Variants in SPTB observed in about 807,000 individuals in gnomAD.
SPTB encodes spectrin beta, erythrocytic.
SPTB carries 45 observed loss-of-function variants against 256.2 expected under a neutral mutation model. The ratio of observed to expected loss-of-function variants is 0.18; its 90% confidence interval spans 0.14 to 0.23. The LOEUF (loss-of-function observed/expected upper bound fraction) is 0.23, where lower values mean the gene tolerates loss of function less well. Ranked by LOEUF, SPTB falls within the 10% of genes least tolerant of loss-of-function variation. The pLI is 1.00. For synonymous variants in SPTB, 1,231 were observed against 1,243.1 expected, an observed-to-expected ratio of 0.99 and a Z score of 0.21; for missense variants, 2,715 against 3,040.4, an observed-to-expected ratio of 0.89 and a Z score of 2.52.
At chr14:64,821,619 C>T (rs1053413227) in intron 2 of SPTB, among the ~76,000 whole-genome samples, 1 of 152,190 alleles carries the variant, frequency 6.6e-6, no homozygotes, top group African/African-American at 2.4e-5. Context: ...CTTAAATTAA[C>T]ATACACAAAA....
chr14:64,810,672 C>T (rs569744670), intron 2 of SPTB, among the ~76,000 whole-genome samples: 2 of 152,102 alleles, frequency 1.3e-5, no homozygotes, highest in South Asian at 4.1e-4. Flanking sequence ...AGAATGAGAC[C>T]CTGTCTCAAA....
chr14:64,749,258 C>T lies in SPTB; in HGVS notation c.*48G>A, dbSNP rs1316917924. The stretch of plus-strand genomic sequence containing the variant: ...CGAGAGGAGGCCAAGGCCTGGGCTG[C>T]CCGGTCTCTGCGCGTCCCGACTCCG... On this transcript the variant is annotated 3_prime_UTR_variant, in exon 36 of 36. Coordinates refer to ENST00000644917, the MANE Select transcript of SPTB (RefSeq NM_001355436.2). The surrounding 1 kb of genome is among the most constrained non-coding windows in gnomAD (Gnocchi z 4.7). 1.9e-6 allele frequency: 3 copies of T among 1,538,760 alleles called. 1 individual carries two copies. Among genetic ancestry groups the T allele is most frequent in the Non-Finnish European group, 2.6e-6 (3 of 1,147,274 alleles).
rs2083670415 is a variant in SPTB, at chr14:64,845,199, G to T, written c.-51-22054C>A. Among the ~76,000 whole-genome samples, 1 of 152,200 alleles carries T rather than the reference G, an allele frequency of 6.6e-6. No individual in the cohort carries two copies. Among genetic ancestry groups the T allele is most frequent in the African/African-American group, 2.4e-5 (1 of 41,444 alleles). On this transcript the variant is annotated intron_variant, in intron 1 of 35. Transcript: ENST00000644917. The surrounding 1 kb of genome is among the most constrained non-coding windows in gnomAD (Gnocchi z 4.8). ...ATCTCTTTTATGCCCTACACAGTTT[G>T]CTACACCCACTGCATGTGGACATCC...
chr14:64,878,151 G>A (rs1297398230), intron 1 of SPTB, among the ~76,000 whole-genome samples: 2 of 152,162 alleles, frequency 1.3e-5, no homozygotes. Flanking sequence ...AACAGCTAAG[G>A]GGTCTGAAAG....
intron 32 of SPTB, among the ~76,000 whole-genome samples, chr14:64,766,076 CTGTA>C (rs201413064): frequency 2.3e-5 from 3 of 129,570 alleles, no homozygotes; most frequent in East Asian, 2.5e-4. Context: ...GGGGTGTGGT[CTGTA>C]TGAGTATGCG....
intron 26 of SPTB, 136 bp from the exon 27 acceptor site, chr14:64,771,265 C>T: frequency 1.5e-6 from 2 of 1,366,752 alleles, no homozygotes; most frequent in Non-Finnish European, 2.1e-6. Context: ...CTTCAGCCTC[C>T]ACCCAGTGGG....
At chr14:64,834,833 C>G (rs1261288072) in intron 1 of SPTB, among the ~76,000 whole-genome samples, 1 of 152,226 alleles carries the variant, frequency 6.6e-6, no homozygotes, top group Non-Finnish European at 1.5e-5. Context: ...ATGCAGAACT[C>G]TTCCAGACAG....
At position 64,786,157 on chromosome 14, in the gene SPTB, A is replaced by G. The variant is rs755496283; in HGVS notation, c.3562-206T>C. On this transcript the variant is annotated intron_variant, in intron 16 of 35. Coordinates refer to ENST00000644917, the MANE Select transcript of SPTB (RefSeq NM_001355436.2). This position sits in a 1 kb window ranked among gnomAD's most constrained non-coding sequence, Gnocchi z 5.6. ...CAATAAACAGTGTGCCTAAAGCCAC[A>G]TGGAAGGCTAACCACCCAGGGCAAA... 3.9e-5 allele frequency among the ~76,000 whole-genome samples: 6 copies of G among 152,124 alleles called. No homozygotes were observed. Among genetic ancestry groups the G allele is most frequent in the Non-Finnish European group, 7.4e-5 (5 of 68,024 alleles).
Position 64,767,641 on chromosome 14 carries a change from C to A in SPTB, c.6219+22G>T, listed in dbSNP as rs772420973. On this transcript the variant is annotated intron_variant, in intron 30 of 35. Coordinates refer to ENST00000644917, the MANE Select transcript of SPTB (RefSeq NM_001355436.2). ...GCACAGTTGCCACCCTCCTGAGCCT[C>A]CCAGCACTGTTCCCTGCTCACCGTG... The A allele has an allele frequency of 2.5e-6, 4 of 1,613,256 alleles. No individual in the cohort carries two copies. The East Asian group carries it at 8.9e-5, about 36-fold the overall frequency.
intron 1 of SPTB, among the ~76,000 whole-genome samples, chr14:64,869,202 T>C (rs1466143933): frequency 6.6e-6 from 1 of 152,184 alleles, no homozygotes; most frequent in Non-Finnish European, 1.5e-5. Flanking sequence ...CCAAGTCTGA[T>C]TGTAAATAAT....
In SPTB at chr14:64,825,760, C is replaced by G. The variant is rs1438427891; in HGVS notation, c.-51-2615G>C. ...CATGGCTCCGTAAATAAGTCTGCCC[C>G]AGAAAGATGAGCCTGAGCAGGCCGA... On this transcript the variant is annotated intron_variant, in intron 1 of 35. Coordinates refer to ENST00000644917, the MANE Select transcript of SPTB (RefSeq NM_001355436.2). This position sits in a 1 kb window ranked among gnomAD's most constrained non-coding sequence, Gnocchi z 4.8. Among the ~76,000 whole-genome samples, 1 of 152,216 alleles carries G rather than the reference C, an allele frequency of 6.6e-6. No individual in the cohort carries two copies. The highest frequency in any genetic ancestry group is 2.4e-5 in the African/African-American group (1 of 41,462).
chr14:64,757,814 G>A (rs1479440434), intron 32 of SPTB, among the ~76,000 whole-genome samples: 1 of 152,180 alleles, frequency 6.6e-6, no homozygotes, highest in Non-Finnish European at 1.5e-5. Context: ...CTGGGGTGAG[G>A]GAGTAAGGAG....
intron 1 of SPTB, among the ~76,000 whole-genome samples, chr14:64,840,162 T>C (rs2083585116): frequency 6.6e-6 from 1 of 152,212 alleles, no homozygotes; most frequent in Non-Finnish European, 1.5e-5. Flanking sequence ...TGAGAGTTTG[T>C]TATATACTCT....
chr14:64,797,806 T>A lies in SPTB; in HGVS notation c.1105A>T (p.Ile369Phe), dbSNP rs752604792. The change falls in exon 10 of 36, where the codon ATC (isoleucine) becomes TTC (phenylalanine). Residue 369 changes from isoleucine (I) to phenylalanine (F), a missense_variant. Ile to Phe is a conservative substitution (Grantham distance 21). Transcript: ENST00000644917. ...KGNLEVLLFT[I>F]QSRMRANNQK... is the part of the protein sequence containing the mutation. ...TTGTTGGCTCTCATCCGGGACTGGA[T>A]GGTAAAAAGTAGAACTTCCAGATTC... 10 of 1,614,090 alleles carry A rather than the reference T, an allele frequency of 6.2e-6. No homozygotes were observed. The South Asian group carries it at 1.1e-4, about 18-fold the overall frequency.
In SPTB at chr14:64,866,216, G is replaced by C. The variant is rs1882173547; in HGVS notation, c.-52+13576C>G. Among the ~76,000 whole-genome samples, 1 of 152,154 alleles carries C rather than the reference G, an allele frequency of 6.6e-6. No individual in the cohort carries two copies. The highest frequency in any genetic ancestry group is 1.5e-5 in the Non-Finnish European group (1 of 68,030). On this transcript the variant is annotated intron_variant, in intron 1 of 35. Transcript: ENST00000644917. The surrounding 1 kb of genome is among the most constrained non-coding windows in gnomAD (Gnocchi z 4.6). Reference sequence around the variant, plus strand: ...TGGGGTGATGATCACTAGCATTCATGACATTCCAGAGCTTCTAGAAGCTGC... The same window carrying C: ...TGGGGTGATGATCACTAGCATTCATCACATTCCAGAGCTTCTAGAAGCTGC...
At position 64,847,148 on chromosome 14, in the gene SPTB, T is replaced by C. The variant is rs113842034; in HGVS notation, c.-51-24003A>G. Among the ~76,000 whole-genome samples the C allele has an allele frequency of 5.9e-5, 9 of 152,332 alleles. No individual in the cohort carries two copies. The highest frequency in any genetic ancestry group is 2.2e-4 in the African/African-American group (9 of 41,584). ...TAGAAGCCTCAAGCCCAGTCGGCTCTTGGTCCAGGACCTAATCTTCAAAGC... is the reference window on the plus strand; with the variant it reads ...TAGAAGCCTCAAGCCCAGTCGGCTCCTGGTCCAGGACCTAATCTTCAAAGC... On this transcript the variant is annotated intron_variant, in intron 1 of 35. Transcript: ENST00000644917. This position sits in a 1 kb window ranked among gnomAD's most constrained non-coding sequence, Gnocchi z 5.9.
chr14:64,835,905 T>C (rs752663509), intron 1 of SPTB, among the ~76,000 whole-genome samples: 3 of 152,232 alleles, frequency 2.0e-5, no homozygotes, highest in Non-Finnish European at 4.4e-5. Context: ...TGATGTGTTC[T>C]TCTATAGTTC....
intron 32 of SPTB, among the ~76,000 whole-genome samples, chr14:64,765,963 T>C (rs576514148): frequency 4.3e-4 from 64 of 149,582 alleles, no homozygotes; most frequent in African/African-American, 1.4e-3. Flanking sequence ...TGGATGTGTG[T>C]GTATGGGGTG....
At chr14:64,782,611 C>T in intron 19 of SPTB, 58 bp from the exon 20 acceptor site, 5 of 1,607,906 alleles carry the variant, frequency 3.1e-6, no homozygotes, top group Non-Finnish European at 4.2e-6. Context: ...TGGATCAGCC[C>T]TGCTCCTGAT....
Sources: allele counts gnomAD v4.1 joint callset (sites outside exome capture counted in the v4.1 genomes callset), GRCh38; gene constraint gnomAD v4.1.1; non-coding constraint Gnocchi (gnomAD v3.1); transcripts MANE v1.5; gene names NCBI Gene and HGNC (gene_info 2026-07-23, HGNC 2026-07-21).